The following RGS6 variants were observed in gnomAD, a reference collection of about 807,000 sequenced individuals.
RGS6 encodes regulator of G protein signaling 6.
In RGS6, 30 loss-of-function variants were observed where a neutral mutation model predicts 78.5. The observed-to-expected ratio is 0.38, with a 90% CI of 0.29 to 0.52. RGS6 has a LOEUF of 0.52. RGS6 is among the 20% of genes least tolerant of loss of function. The pLI is 0.85. For synonymous variants in RGS6, 206 were observed against 206.0 expected (o/e 1.00, Z 0.00); for missense variants, 495 against 609.7 (o/e 0.81, Z 1.98).
chr14:72,443,806 C>A (rs2095283203), intron 3 of RGS6, among the ~76,000 whole-genome samples: 1 of 152,198 alleles, frequency 6.6e-6, no homozygotes, highest in South Asian at 2.1e-4. Flanking sequence ...TAGATCACTT[C>A]TCTCCCAAAG....
chr14:71,946,087 G>A (rs3784058), intron 1 of RGS6, among the ~76,000 whole-genome samples: 19,915 of 152,092 alleles, frequency 0.13, 1,582 homozygotes, highest in East Asian at 0.2. Context: ...TAGAAAGGAC[G>A]CATTCACAAA....
At chr14:72,230,561 G>C (rs1050232563) in intron 2 of RGS6, among the ~76,000 whole-genome samples, 1 of 152,132 alleles carries the variant, frequency 6.6e-6, no homozygotes, top group African/African-American at 2.4e-5. Flanking sequence ...GACACAGTAG[G>C]ATGGATATAT....
downstream of RGS6, among the ~76,000 whole-genome samples, chr14:72,568,648 C>A (rs902330597): frequency 2.0e-5 from 3 of 152,236 alleles, no homozygotes; most frequent in African/African-American, 7.2e-5. Flanking sequence ...GGCGCCCTCC[C>A]CAGACCCCAC....
At chr14:72,190,931 A>G (rs1273322945) in intron 2 of RGS6, among the ~76,000 whole-genome samples, 1 of 152,186 alleles carries the variant, frequency 6.6e-6, no homozygotes, top group African/African-American at 2.4e-5. Context: ...TCAAACCACT[A>G]CTGGGTATCA....
At chr14:71,895,861 G>A in the RGS6 span, among the ~76,000 whole-genome samples, 1 of 152,098 alleles carries the variant, frequency 6.6e-6, no homozygotes, top group East Asian at 1.9e-4. Context: ...GCAGTAGAGG[G>A]CTCTCACCAA....
intron 2 of RGS6, among the ~76,000 whole-genome samples, chr14:72,308,872 A>G (rs2067884214): frequency 6.6e-6 from 1 of 152,200 alleles, no homozygotes; most frequent in Admixed American, 6.5e-5. Context: ...TCAGTTCTCT[A>G]AATCTAGATG....
chr14:72,066,137 C>T lies in RGS6; in HGVS notation c.84+101262C>T, dbSNP rs1223627252. Among the ~76,000 whole-genome samples, 7 of 152,200 alleles carry T rather than the reference C, an allele frequency of 4.6e-5. No individual in the cohort carries two copies. The East Asian group carries it at 7.7e-4, about 17-fold the overall frequency. On this transcript the variant is annotated intron_variant, in intron 2 of 17. Coordinates refer to ENST00000553525, the MANE Select transcript of RGS6 (RefSeq NM_001204424.2). ...TAAATATCTTCTATAAAATATGCCT[C>T]GATTTCAGAAGTAGCAATTGTAGCA...
intron 2 of RGS6, among the ~76,000 whole-genome samples, chr14:72,147,558 G>A (rs752361505): frequency 6.6e-6 from 1 of 152,098 alleles, no homozygotes; most frequent in African/African-American, 2.4e-5. Context: ...CCTGTTAAAG[G>A]TCCCACTTCC....
At chr14:72,128,442 TG>T (rs1280346478) in intron 2 of RGS6, among the ~76,000 whole-genome samples, 1 of 152,218 alleles carries the variant, frequency 6.6e-6, no homozygotes, top group Non-Finnish European at 1.5e-5. Flanking sequence ...TCAACCTGAA[TG>T]ACTGCTCAAT....
At chr14:71,921,557 G>A in the RGS6 span, among the ~76,000 whole-genome samples, 1 of 152,230 alleles carries the variant, frequency 6.6e-6, no homozygotes, top group Non-Finnish European at 1.5e-5. Flanking sequence ...GTAACACAAT[G>A]TGGACAATGT....
intron 17 of RGS6, chr14:72,541,074 C>G: frequency 7.4e-7 from 1 of 1,352,632 alleles, no homozygotes; most frequent in Non-Finnish European, 9.8e-7. Flanking sequence ...GGGGCCCATC[C>G]TGTACCATGA....
intron 3 of RGS6, among the ~76,000 whole-genome samples, chr14:72,404,057 C>T (rs936040686): frequency 6.6e-6 from 1 of 152,168 alleles, no homozygotes; most frequent in African/African-American, 2.4e-5. Context: ...AAGAAGGTTT[C>T]CCTGACCTGG....
At chr14:72,113,655 C>T (rs1270383225) in intron 2 of RGS6, among the ~76,000 whole-genome samples, 1 of 152,364 alleles carries the variant, frequency 6.6e-6, no homozygotes, top group East Asian at 1.9e-4. Context: ...CTCTGCCAGA[C>T]TGCTCTGCTG....
the RGS6 span, among the ~76,000 whole-genome samples, chr14:72,595,373 A>G: frequency 3.3e-5 from 5 of 152,180 alleles, no homozygotes; most frequent in Admixed American, 1.3e-4. Flanking sequence ...ACTCAAAGGT[A>G]AGATGAACTG....
the RGS6 span, among the ~76,000 whole-genome samples, chr14:71,884,032 T>C: frequency 2.6e-5 from 4 of 152,232 alleles, no homozygotes; most frequent in Admixed American, 2.6e-4. Flanking sequence ...TTTTCTTTCT[T>C]AATAAACTTG....
chr14:72,184,829 G>A (rs1196912396), intron 2 of RGS6, among the ~76,000 whole-genome samples: 1 of 152,176 alleles, frequency 6.6e-6, no homozygotes, highest in African/African-American at 2.4e-5. Flanking sequence ...TATATGTATT[G>A]TCTTAGTCAG....
At chr14:72,205,543 A>T (rs964348803) in intron 2 of RGS6, among the ~76,000 whole-genome samples, 5 of 152,226 alleles carry the variant, frequency 3.3e-5, no homozygotes, top group Admixed American at 3.3e-4. Context: ...GTTCTGAGCC[A>T]TCATATATTC....
intron 3 of RGS6, 26 bp from the exon 4 acceptor site, chr14:72,454,502 C>A: frequency 6.2e-7 from 1 of 1,612,706 alleles, no homozygotes; most frequent in Non-Finnish European, 8.5e-7. Context: ...AGGAGGTCTT[C>A]AGCTGAAATT....
At position 72,084,757 on chromosome 14, in the gene RGS6, A is replaced by G. The variant is rs979424042; in HGVS notation, c.84+119882A>G. Among the ~76,000 whole-genome samples the G allele has an allele frequency of 2.6e-5, 4 of 151,888 alleles. No individual in the cohort carries two copies. In the East Asian group the frequency reaches 5.8e-4, roughly 22 times the overall value. On this transcript the variant is annotated intron_variant, in intron 2 of 17. Transcript: ENST00000553525. ...CATTGATTTTTTTTTTTTCCTGCTG[A>G]AACTTGCACATATATAAAAAACGAA...
Sources: allele counts gnomAD v4.1 joint callset (sites outside exome capture counted in the v4.1 genomes callset), GRCh38; gene constraint gnomAD v4.1.1; transcripts MANE v1.5; gene names NCBI Gene and HGNC (gene_info 2026-07-23, HGNC 2026-07-21).